Variants in SRCAP observed in about 807,000 individuals in gnomAD.
SRCAP encodes the protein chromatin remodeling protein SRCAP.
A neutral mutation model predicts 263.1 loss-of-function variants in SRCAP; 46 were observed. The ratio of observed to expected loss-of-function variants is 0.17; its 90% CI spans 0.14 to 0.22. SRCAP has a LOEUF of 0.22. Ranked by LOEUF, SRCAP falls within the 10% of genes least tolerant of loss-of-function variation. The pLI, the probability that SRCAP is intolerant of heterozygous loss-of-function variation, is 1.00. For missense variants in SRCAP, 3,695 were observed against 4,181.9 expected, an observed-to-expected ratio of 0.88 and a Z score of 3.21; for synonymous variants, 1,813 against 1,662.1, an observed-to-expected ratio of 1.09 and a Z score of -2.21.
Position 30,739,914 on chromosome 16 carries a change from T to A in SRCAP, c.*181T>A. ...CTGGTTGTCATGGAAATGGGGATCA[T>A]CACAGTCCCCTTCCCCTTCACCCCA... On this transcript the variant is annotated 3_prime_UTR_variant, in exon 34 of 34. Coordinates refer to ENST00000262518, the MANE Select transcript of SRCAP (RefSeq NM_006662.3). 2.0e-6 allele frequency: 2 copies of A among 998,070 alleles called. No homozygotes were observed. Among genetic ancestry groups the A allele is most frequent in the Non-Finnish European group, 1.4e-6 (1 of 727,760 alleles). 61.8% of individuals were successfully genotyped at this position (998,070 alleles called of 1,614,324 possible).
At chr16:30,722,457 A>G (rs2053020126) in intron 22 of SRCAP, 106 bp from the exon 23 acceptor site, 1 of 1,511,268 alleles carries the variant, frequency 6.6e-7, no homozygotes, top group Admixed American at 1.9e-5. Context: ...AGGTCATTCT[A>G]GAGAATGTAT....
chr16:30,735,674 G>A (rs1380406056), intron 31 of SRCAP, among the ~76,000 whole-genome samples: 13 of 133,502 alleles, frequency 9.7e-5, no homozygotes, highest in East Asian at 4.7e-4. Flanking sequence ...TCCACCTCCC[G>A]GGTTCAAGTG....
intron 24 of SRCAP, 135 bp downstream of exon 24, chr16:30,723,364 T>C (rs937731717): frequency 3.9e-5 from 56 of 1,430,654 alleles, no homozygotes; most frequent in Non-Finnish European, 4.7e-5. Context: ...GCCCCAGAAC[T>C]GGGCTGCCTG....
Position 30,712,295 on chromosome 16 carries a change from C to T in SRCAP, c.1849C>T (p.Gln617Ter), listed in dbSNP as rs267604511. The T allele has an allele frequency of 6.2e-7, 1 of 1,602,434 alleles. No individual in the cohort carries two copies. The highest frequency in any genetic ancestry group is 8.5e-7 in the Non-Finnish European group (1 of 1,174,956). The stretch of plus-strand genomic sequence containing the variant: ...GCCCATTCCCCTGCTTCTGCGGGGC[C>T]AGCTCCGGGAGTACCAGCACATTGG... Reference protein sequence around the residue: ...KTPIPLLLRGQLREYQHIGLD... With the variant: ...KTPIPLLLRG The change falls in exon 13 of 34, where the codon CAG becomes TAG. Residue 617 changes from glutamine (Q) to a stop codon, truncating the protein, a stop_gained. Coordinates refer to ENST00000262518, the MANE Select transcript of SRCAP (RefSeq NM_006662.3). LOFTEE classifies it high-confidence loss of function.
intron 16 of SRCAP, among the ~76,000 whole-genome samples, chr16:30,714,957 C>T (rs766743471): frequency 3.3e-5 from 5 of 152,078 alleles, no homozygotes; most frequent in African/African-American, 4.8e-5. Context: ...CTTCCTTTTT[C>T]GCCCAACTTT....
intron 18 of SRCAP, 144 bp downstream of exon 18, chr16:30,716,623 T>C (rs1184983719): frequency 8.0e-6 from 6 of 753,412 alleles, no homozygotes; most frequent in Non-Finnish European, 1.3e-5. Flanking sequence ...TCTAGCCATG[T>C]GACTTAACGA....
At chr16:30,727,543 T>G (rs2151295782) in intron 25 of SRCAP, among the ~76,000 whole-genome samples, 1 of 152,162 alleles carries the variant, frequency 6.6e-6, no homozygotes. Flanking sequence ...TGTGCCACCA[T>G]GCCAGGCTAC....
chr16:30,734,924 G>A (rs2053144952), intron 31 of SRCAP, among the ~76,000 whole-genome samples: 1 of 152,138 alleles, frequency 6.6e-6, no homozygotes, highest in South Asian at 2.1e-4. Context: ...GGCAGGGCAT[G>A]GTGGGTAGCT....
chr16:30,733,627 A>T lies in SRCAP; in HGVS notation c.6323A>T (p.Asp2108Val). The T allele has an allele frequency of 6.2e-7, 1 of 1,613,952 alleles. No homozygotes were observed. Among genetic ancestry groups the T allele is most frequent in the Non-Finnish European group, 8.5e-7 (1 of 1,179,954 alleles). Residue 2108 changes from aspartate (D) to valine (V), a missense_variant, in exon 29 of 34, where the codon GAC (aspartate) becomes GTC (valine). Asp to Val is a radical substitution (Grantham distance 152, BLOSUM62 -3). Around this residue, in one of 12 missense-constraint regions of SRCAP, gnomAD observed 138 missense variants for 254.9 expected, o/e 0.54. Coordinates refer to ENST00000262518, the MANE Select transcript of SRCAP (RefSeq NM_006662.3). This position sits in a 1 kb window ranked among gnomAD's most constrained non-coding sequence, Gnocchi z 5.3. The part of the protein sequence containing the change: ...RQALMERFNA[D>V]KRIFCFILST... ...GCCTTGATGGAACGGTTCAATGCAG[A>T]CAAACGCATATTCTGCTTCATCCTT...
chr16:30,728,927 G>T, intron 25 of SRCAP, 39 bp from the exon 26 acceptor site: 1 of 1,582,134 alleles, frequency 6.3e-7, no homozygotes. Context: ...TGTGGACTCT[G>T]AGGGTGCTGA....
At position 30,739,617 on chromosome 16, in the gene SRCAP, C is replaced by T. The variant is rs778175984; in HGVS notation, c.9577C>T (p.Pro3193Ser). Residue 3193 changes from proline (P) to serine (S), a missense_variant, in exon 34 of 34, where the codon CCC becomes TCC. This residue lies in a region of SRCAP where 1,207 missense variants were observed against 1,142.9 expected (regional missense o/e 1.06). Transcript: ENST00000262518. ...GDGTPRRRPG[P>S]RRLVGTTNQG... Reference sequence around the variant, plus strand: ...TGGGACCCCACGCCGACGTCCTGGCCCCCGCCGGCTTGTTGGGACCACCAA... The same window carrying T: ...TGGGACCCCACGCCGACGTCCTGGCTCCCGCCGGCTTGTTGGGACCACCAA... The T allele has an allele frequency of 3.8e-6, 6 of 1,591,730 alleles. No homozygotes were observed. In the South Asian group the frequency reaches 5.6e-5, roughly 15 times the overall value.
In SRCAP at chr16:30,711,626, C is replaced by T. The variant is rs1242210521; in HGVS notation, c.1374C>T (p.Gly458=). 1.2e-6 allele frequency: 2 copies of T among 1,613,854 alleles called. No homozygotes were observed. Among genetic ancestry groups the T allele is most frequent in the South Asian group, 1.1e-5 (1 of 91,056 alleles). Residue 458 remains glycine, a synonymous_variant, in exon 11 of 34, where the codon GGC becomes GGT. Transcript: ENST00000262518. ...AGTATGCAGGAGCCTATGCCCCAGG[C>T]TCTGGGAGCAGTGAAGATGAGGATG... is the stretch of plus-strand genomic sequence containing the variant. ...LQQYAGAYAP[G]SGSSEDEDED...
chr16:30,738,778 TTCCTGGGCCCCAGCC>T lies in SRCAP; in HGVS notation c.8741_8755del (p.Pro2914_Pro2918del). 1 of 1,613,922 alleles carries T rather than the reference TTCCTGGGCCCCAGCC, an allele frequency of 6.2e-7. No individual in the cohort carries two copies. Among genetic ancestry groups the T allele is most frequent in the Non-Finnish European group, 8.5e-7 (1 of 1,179,916 alleles). On this transcript the variant is annotated inframe_deletion, in exon 34 of 34. Transcript: ENST00000262518. ...GATCCTGTCCTGGAACCACAGCTTA[TTCCTGGGCCCCAGCC>T]TCTTGGACCCCAGCCAGTTCACAGA...
intron 10 of SRCAP, 99 bp from the exon 11 acceptor site, chr16:30,711,472 C>A (rs2052890316): frequency 4.0e-6 from 5 of 1,255,922 alleles, no homozygotes; most frequent in Admixed American, 5.1e-5. Context: ...CTGGGCCTAG[C>A]AGTATCTACA....
chr16:30,716,303 A>T lies in SRCAP; in HGVS notation c.2641A>T (p.Thr881Ser). Reference protein sequence around the residue: ...DFMAQTTTKETLATGHFMSVI... With the variant: ...DFMAQTTTKESLATGHFMSVI... ...TTCCTCTTTCCCCAGAACTAAGGAG[A>T]CACTAGCCACAGGCCATTTCATGAG... is the stretch of plus-strand genomic sequence containing the variant. Residue 881 changes from threonine (T) to serine (S), a missense_variant, in exon 18 of 34, where the codon ACA becomes TCA. Coordinates refer to ENST00000262518, the MANE Select transcript of SRCAP (RefSeq NM_006662.3). The T allele has an allele frequency of 1.2e-6, 2 of 1,614,070 alleles. No homozygotes were observed. The highest frequency in any genetic ancestry group is 1.7e-6 in the Non-Finnish European group (2 of 1,180,010).
intron 25 of SRCAP, among the ~76,000 whole-genome samples, chr16:30,728,598 T>C (rs2289442): frequency 0.32 from 48,135 of 152,006 alleles, 8,583 homozygotes; most frequent in South Asian, 0.68. Context: ...GTCCTGGAGT[T>C]GAGTGTTACG....
At chr16:30,722,087 A>C in intron 21 of SRCAP, 35 bp from the exon 22 acceptor site, 1 of 1,596,462 alleles carries the variant, frequency 6.3e-7, no homozygotes, top group Non-Finnish European at 8.6e-7. Context: ...GAGCAGGATG[A>C]GCCTTGTGTA....
At chr16:30,728,064 G>A (rs2053079694) in intron 25 of SRCAP, among the ~76,000 whole-genome samples, 1 of 152,156 alleles carries the variant, frequency 6.6e-6, no homozygotes, top group South Asian at 2.1e-4. Context: ...CGTCTGCTAG[G>A]ACACCTTTTT....
At chr16:30,711,452 C>G (rs748057908) in intron 10 of SRCAP, 119 bp from the exon 11 acceptor site, 58 of 1,041,388 alleles carry the variant, frequency 5.6e-5, no homozygotes, top group Middle Eastern at 6.4e-4. Context: ...TCTTTTGCCT[C>G]CCCTCAGACC....
Sources: gnomAD v4.1 joint callset for allele counts (sites outside exome capture counted in the v4.1 genomes callset) on GRCh38, gnomAD v4.1.1 for gene constraint, gnomAD v4.1.1 regional missense constraint, Gnocchi (gnomAD v3.1) non-coding constraint, MANE v1.5 for transcripts, NCBI Gene and HGNC (gene_info 2026-07-23, HGNC 2026-07-21) for gene names.